Variants in NKAIN2 observed in about 807,000 individuals in gnomAD.
NKAIN2 encodes the protein sodium/potassium transporting ATPase interacting 2.
A neutral mutation model predicts 32.6 loss-of-function variants in NKAIN2; 14 were observed. That is an observed-to-expected ratio of 0.43 (90% CI 0.28 to 0.67). The LOEUF is 0.67. NKAIN2 is among the 30% of genes least tolerant of loss of function. The pLI, the probability that NKAIN2 is intolerant of heterozygous loss-of-function variation, is 0.17. For missense variants in NKAIN2, 198 were observed against 258.3 expected (o/e 0.77, Z 1.60); for synonymous variants, 80 against 87.2 (o/e 0.92, Z 0.46).
intron 3 of NKAIN2, among the ~76,000 whole-genome samples, chr6:124,599,623 A>G (rs1253292752): frequency 1.3e-5 from 2 of 152,174 alleles, no homozygotes; most frequent in Non-Finnish European, 2.9e-5. Flanking sequence ...GGTGAAGGCT[A>G]GAAATAAGAA....
At chr6:124,555,519 T>C (rs1323537117) in intron 3 of NKAIN2, among the ~76,000 whole-genome samples, 1 of 152,212 alleles carries the variant, frequency 6.6e-6, no homozygotes, top group Non-Finnish European at 1.5e-5. Context: ...TAGAATATCA[T>C]GTTCCCTTAT....
chr6:124,336,441 C>T (rs2115066159), intron 2 of NKAIN2, among the ~76,000 whole-genome samples: 1 of 152,180 alleles, frequency 6.6e-6, no homozygotes, highest in South Asian at 2.1e-4. Flanking sequence ...GAGCTTTTTT[C>T]TCCTGCCTAG....
At chr6:124,705,511 C>T (rs1294522448) in intron 4 of NKAIN2, among the ~76,000 whole-genome samples, 2 of 151,928 alleles carry the variant, frequency 1.3e-5, no homozygotes, top group African/African-American at 2.4e-5. Flanking sequence ...AGAGTGCCTG[C>T]CATGGGTACA....
At chr6:124,750,534 T>TGGATGGAC (rs1554260758) in intron 4 of NKAIN2, among the ~76,000 whole-genome samples, 5 of 151,318 alleles carry the variant, frequency 3.3e-5, no homozygotes, top group Non-Finnish European at 7.4e-5. Flanking sequence ...GATGGATGGA[T>TGGATGGAC]GGATGGATGG....
intron 4 of NKAIN2, among the ~76,000 whole-genome samples, chr6:124,681,925 A>C (rs996820964): frequency 5.9e-5 from 9 of 152,064 alleles, no homozygotes; most frequent in African/African-American, 2.2e-4. Context: ...GCAAATTTGC[A>C]AAGAAACCAT....
chr6:123,904,271 A>G (rs949831084), intron 1 of NKAIN2, among the ~76,000 whole-genome samples: 7 of 152,122 alleles, frequency 4.6e-5, no homozygotes, highest in Non-Finnish European at 7.4e-5. Context: ...GAAATGACCA[A>G]TTAAGTGTAT....
intron 3 of NKAIN2, among the ~76,000 whole-genome samples, chr6:124,631,472 T>C (rs1466756231): frequency 1.3e-5 from 2 of 152,218 alleles, no homozygotes; most frequent in Non-Finnish European, 2.9e-5. Context: ...TGTTAGTCTC[T>C]GTCTTATAAT....
chr6:124,655,262 C>A (rs1433981716), intron 3 of NKAIN2, among the ~76,000 whole-genome samples: 1 of 152,042 alleles, frequency 6.6e-6, no homozygotes, highest in African/African-American at 2.4e-5. Context: ...TTATTACCAA[C>A]AAGTCAGTTC....
chr6:124,815,695 G>A (rs1324113679), intron 5 of NKAIN2, among the ~76,000 whole-genome samples: 1 of 151,666 alleles, frequency 6.6e-6, no homozygotes, highest in Non-Finnish European at 1.5e-5. Context: ...GAAGACAAAA[G>A]AGGATCACAC....
chr6:124,134,206 C>A (rs1338966916), intron 1 of NKAIN2, among the ~76,000 whole-genome samples: 1 of 151,512 alleles, frequency 6.6e-6, no homozygotes, highest in Admixed American at 6.6e-5. Flanking sequence ...AAAACAGTCA[C>A]AACTTCTGGA....
chr6:124,728,329 T>G lies in NKAIN2; in HGVS notation c.475-63010T>G, dbSNP rs1583741609. Reference sequence around the variant, plus strand: ...GAAGTAAAGCTCTCCTCAGCATATGTAAAAGAAGAGAAATTATAACAAACT... The same window carrying G: ...GAAGTAAAGCTCTCCTCAGCATATGGAAAAGAAGAGAAATTATAACAAACT... On this transcript the variant is annotated intron_variant, in intron 4 of 6. Coordinates refer to ENST00000368417, the MANE Select transcript of NKAIN2 (RefSeq NM_001040214.3). 3.7e-5 allele frequency among the ~76,000 whole-genome samples: 3 copies of G among 81,620 alleles called. 1 individual carries two copies. Among genetic ancestry groups the G allele is most frequent in the African/African-American group, 9.7e-5 (2 of 20,654 alleles). The allele number at this position is 81,620 out of a possible 152,430, so 53.5% of individuals were successfully genotyped here. A position where few individuals can be genotyped will look rare whatever the true frequency, so the allele number is the denominator to read the frequency against.
chr6:124,283,343 G>T, intron 2 of NKAIN2: 1 of 431,014 alleles, frequency 2.3e-6, no homozygotes, highest in Non-Finnish European at 4.2e-6. Context: ...GATAGTGAGT[G>T]TGATCAGACT....
intron 1 of NKAIN2, among the ~76,000 whole-genome samples, chr6:124,163,010 C>T (rs1298717090): frequency 2.0e-5 from 3 of 151,950 alleles, no homozygotes; most frequent in African/African-American, 4.8e-5. Context: ...TGATTCTACC[C>T]TTATTACACA....
At chr6:124,515,788 TCACGCCA>T (rs1562232525) in intron 3 of NKAIN2, among the ~76,000 whole-genome samples, 21 of 8,730 alleles carry the variant, frequency 2.4e-3, no homozygotes, top group African/African-American at 6.3e-3. Context: ...CCTCCCGGGT[TCACGCCA>T]TTCTCCTGCC....
rs112952397 is a variant in NKAIN2, at chr6:124,153,040, T to C, written c.55-129965T>C. ...AGATGGGGAGAAGTTTGTTAATGCATACAAAAATACAGTTAGATAGAAGGA... is the reference window on the plus strand; with the variant it reads ...AGATGGGGAGAAGTTTGTTAATGCACACAAAAATACAGTTAGATAGAAGGA... On this transcript the variant is annotated intron_variant, in intron 1 of 6. Transcript: ENST00000368417. Among the ~76,000 whole-genome samples, 273 of 151,968 alleles carry C rather than the reference T, an allele frequency of 1.8e-3. 1 individual carries two copies. The highest frequency in any genetic ancestry group is 6.5e-3 in the African/African-American group (268 of 41,516).
At chr6:124,080,072 C>G (rs1220016738) in intron 1 of NKAIN2, among the ~76,000 whole-genome samples, 3 of 151,988 alleles carry the variant, frequency 2.0e-5, no homozygotes, top group Admixed American at 2.0e-4. Flanking sequence ...AGATTAACGC[C>G]CATGGGAGTC....
Position 123,850,342 on chromosome 6 carries a change from GAAAA to G in NKAIN2, c.54+46099_54+46102del, listed in dbSNP as rs367601380. Among the ~76,000 whole-genome samples the G allele has an allele frequency of 4.5e-3, 584 of 129,040 alleles. 1 individual carries two copies. Among genetic ancestry groups the G allele is most frequent in the African/African-American group, 0.016 (512 of 32,918 alleles). 84.7% of individuals were successfully genotyped at this position (129,040 alleles called of 152,430 possible). A position where few individuals can be genotyped will look rare whatever the true frequency, so the allele number is the denominator to read the frequency against. On this transcript the variant is annotated intron_variant, in intron 1 of 6. Transcript: ENST00000368417. ...TGGCTGATAACACTTGCAAGCTGCT[GAAAA>G]AAAAAAAAAATATATATATATATAT...
intron 3 of NKAIN2, among the ~76,000 whole-genome samples, chr6:124,450,325 A>G (rs542226510): frequency 3.9e-4 from 60 of 152,166 alleles, no homozygotes; most frequent in Admixed American, 3.6e-3. Flanking sequence ...GTATGTGTAC[A>G]TGTATCTATA....
At chr6:123,838,677 A>G (rs1305701508) in intron 1 of NKAIN2, among the ~76,000 whole-genome samples, 1 of 152,190 alleles carries the variant, frequency 6.6e-6, no homozygotes, top group Non-Finnish European at 1.5e-5. Flanking sequence ...TAAAGTAAAC[A>G]CAACTCTTGG....
Sources: allele counts gnomAD v4.1 joint callset (sites outside exome capture counted in the v4.1 genomes callset), GRCh38; gene constraint gnomAD v4.1.1; transcripts MANE v1.5; gene names NCBI Gene and HGNC (gene_info 2026-07-23, HGNC 2026-07-21).